TMEM132C: variants seen among roughly 807,000 people sequenced by gnomAD.
TMEM132C encodes protein phosphatase 1, regulatory subunit 152.
In TMEM132C, 29 loss-of-function variants were observed where a neutral mutation model predicts 61.4. The ratio of observed to expected loss-of-function variants is 0.47; its 90% CI spans 0.35 to 0.64. The LOEUF is 0.64. Among genes scored for constraint, TMEM132C ranks in the 30% least tolerant of loss-of-function variants. TMEM132C has a pLI of 0.00. For synonymous variants in TMEM132C, 656 were observed against 633.1 expected, an observed-to-expected ratio of 1.04 and a Z score of -0.54; for missense variants, 1,408 against 1,476.9, an observed-to-expected ratio of 0.95 and a Z score of 0.76.
At chr12:128,675,387 C>T (rs576750169) in intron 5 of TMEM132C, among the ~76,000 whole-genome samples, 5 of 152,288 alleles carry the variant, frequency 3.3e-5, no homozygotes, top group Admixed American at 2.6e-4. Flanking sequence ...CCTGAGGTCA[C>T]GCAACTTGTA....
In TMEM132C at chr12:128,707,029, G is replaced by T. The variant is rs1954846828; in HGVS notation, c.*734G>T. ...TAGGAACAATGCCAATTAATCCATTGTTTAAGTAGTAACTTGAATGTTTTT... is the reference window on the plus strand; with the variant it reads ...TAGGAACAATGCCAATTAATCCATTTTTTAAGTAGTAACTTGAATGTTTTT... On this transcript the variant is annotated 3_prime_UTR_variant, in exon 9 of 9. Transcript: ENST00000435159. The T allele has an allele frequency of 6.6e-6, 1 of 152,198 alleles. No homozygotes were observed. The highest frequency in any genetic ancestry group is 6.5e-5 in the Admixed American group (1 of 15,280). 9.4% of individuals were successfully genotyped at this position (152,198 alleles called of 1,614,324 possible). A position where few individuals can be genotyped will look rare whatever the true frequency, so the allele number is the denominator to read the frequency against.
chr12:128,494,553 A>G (rs1423262195), intron 2 of TMEM132C, among the ~76,000 whole-genome samples: 2 of 152,220 alleles, frequency 1.3e-5, no homozygotes, highest in East Asian at 3.9e-4. Flanking sequence ...CAGGGATTCA[A>G]CTTCTTCTTG....
Position 128,626,690 on chromosome 12 carries a change from C to G in TMEM132C, c.1305+10355C>G, listed in dbSNP as rs146683507. 4.7e-3 allele frequency among the ~76,000 whole-genome samples: 712 copies of G among 152,232 alleles called. 5 individuals are homozygous for G. Among genetic ancestry groups the G allele is most frequent in the African/African-American group, 0.017 (686 of 41,500 alleles). On this transcript the variant is annotated intron_variant, in intron 4 of 8. Coordinates refer to ENST00000435159, the MANE Select transcript of TMEM132C (RefSeq NM_001136103.3). ...AGATTCCTGACCTCAAGTGATCCGC[C>G]TGCCTTGGCCTCCCAAAGTGCTGGG...
intron 2 of TMEM132C, among the ~76,000 whole-genome samples, chr12:128,452,838 A>G (rs1247038834): frequency 2.0e-5 from 3 of 152,240 alleles, no homozygotes; most frequent in Admixed American, 6.5e-5. Flanking sequence ...GGTCATAATT[A>G]CATATGTATC....
intron 4 of TMEM132C, among the ~76,000 whole-genome samples, chr12:128,665,712 G>A (rs11608695): frequency 0.25 from 32,911 of 130,176 alleles, 3,925 homozygotes; most frequent in South Asian, 0.37. Context: ...CACATTCACA[G>A]GCACTCATAC....
chr12:128,447,260 C>A (rs1282930468), intron 2 of TMEM132C, among the ~76,000 whole-genome samples: 1 of 152,176 alleles, frequency 6.6e-6, no homozygotes, highest in Non-Finnish European at 1.5e-5. Flanking sequence ...CACACACCAT[C>A]CTTTGGCTGT....
chr12:128,458,832 T>C (rs1870435924), intron 2 of TMEM132C, among the ~76,000 whole-genome samples: 1 of 150,330 alleles, frequency 6.7e-6, no homozygotes, highest in Non-Finnish European at 1.5e-5. Context: ...CGTCACTGTT[T>C]TAAGAGCTCC....
intron 4 of TMEM132C, among the ~76,000 whole-genome samples, chr12:128,627,897 C>A (rs1212092657): frequency 1.3e-5 from 2 of 152,224 alleles, no homozygotes; most frequent in Admixed American, 6.5e-5. Flanking sequence ...CGGCCAGCAG[C>A]TGCACCACTT....
chr12:128,379,995 C>T (rs569786312), intron 1 of TMEM132C, among the ~76,000 whole-genome samples: 17 of 152,304 alleles, frequency 1.1e-4, no homozygotes, highest in Admixed American at 6.5e-4. Context: ...CACAGTTCTG[C>T]CACTGAAGAG....
chr12:128,531,832 C>T (rs1429629089), intron 2 of TMEM132C, among the ~76,000 whole-genome samples: 3 of 61,494 alleles, frequency 4.9e-5, no homozygotes. Flanking sequence ...AAGGACAGTG[C>T]CCCCCTCACC....
At chr12:128,516,959 C>T (rs1378625859) in intron 2 of TMEM132C, among the ~76,000 whole-genome samples, 1 of 151,420 alleles carries the variant, frequency 6.6e-6, no homozygotes, top group Non-Finnish European at 1.5e-5. Flanking sequence ...TGGTGGCTCA[C>T]GCCTGTAATA....
chr12:128,659,514 G>C (rs74769488), intron 4 of TMEM132C, among the ~76,000 whole-genome samples: 11,557 of 152,250 alleles, frequency 0.076, 744 homozygotes, highest in African/African-American at 0.18. Flanking sequence ...GCCCCCAGAG[G>C]AGACCAAGCA....
At chr12:128,702,074 A>C (rs1419948021) in intron 8 of TMEM132C, among the ~76,000 whole-genome samples, 4 of 151,412 alleles carry the variant, frequency 2.6e-5, no homozygotes, top group African/African-American at 9.7e-5. Flanking sequence ...TAATTTTTGT[A>C]TTTTTTGTAG....
chr12:128,295,957 T>C (rs1307188880), intron 1 of TMEM132C, among the ~76,000 whole-genome samples: 1 of 152,188 alleles, frequency 6.6e-6, no homozygotes, highest in East Asian at 1.9e-4. Context: ...ATTCAACACA[T>C]AATAAGCAGT....
intron 1 of TMEM132C, among the ~76,000 whole-genome samples, chr12:128,291,018 A>G (rs1462845506): frequency 6.6e-6 from 1 of 152,132 alleles, no homozygotes; most frequent in Admixed American, 6.5e-5. Flanking sequence ...AATGAAAGCC[A>G]CTGAACTGGA....
Position 128,462,280 on chromosome 12 carries a change from A to G in TMEM132C, c.974+46660A>G, listed in dbSNP as rs373248731. Among the ~76,000 whole-genome samples, 18 of 151,952 alleles carry G rather than the reference A, an allele frequency of 1.2e-4. 1 individual carries two copies. Among genetic ancestry groups the G allele is most frequent in the African/African-American group, 3.9e-4 (16 of 41,484 alleles). ...GCCACCACACCCTACTCATTTTTGT[A>G]TTTTTTAGTAGAGACGGGATTTCTC... On this transcript the variant is annotated intron_variant, in intron 2 of 8. Coordinates refer to ENST00000435159, the MANE Select transcript of TMEM132C (RefSeq NM_001136103.3).
chr12:128,488,713 T>C (rs952564107), intron 2 of TMEM132C, among the ~76,000 whole-genome samples: 1 of 151,690 alleles, frequency 6.6e-6, no homozygotes, highest in Non-Finnish European at 1.5e-5. Context: ...TATTGTATAT[T>C]AATGTTATAT....
chr12:128,491,483 T>C (rs1229008979), intron 2 of TMEM132C, among the ~76,000 whole-genome samples: 1 of 152,204 alleles, frequency 6.6e-6, no homozygotes, highest in African/African-American at 2.4e-5. Flanking sequence ...CCCTGCACTA[T>C]TCCTGTGACG....
At chr12:128,343,501 A>G (rs867861592) in intron 1 of TMEM132C, among the ~76,000 whole-genome samples, 1 of 151,692 alleles carries the variant, frequency 6.6e-6, no homozygotes, top group Non-Finnish European at 1.5e-5. Flanking sequence ...CCAGTTTCTC[A>G]TAAGGTTAGA....
Sources: gnomAD v4.1 joint callset for allele counts (sites outside exome capture counted in the v4.1 genomes callset) on GRCh38, gnomAD v4.1.1 for gene constraint, MANE v1.5 for transcripts, NCBI Gene and HGNC (gene_info 2026-07-23, HGNC 2026-07-21) for gene names.